The following POPDC2 variants were observed in gnomAD, a reference collection of about 807,000 sequenced individuals.
POPDC2 encodes popeye domain-containing protein 2.
Under a neutral mutation model 30.5 loss-of-function variants are expected in POPDC2, and 24 were observed. The observed-to-expected ratio is 0.79, with a 90% CI of 0.57 to 1.11. The LOEUF is 1.11. POPDC2 is among the 50% of genes least tolerant of loss of function. POPDC2 has a pLI of 0.00. For synonymous variants in POPDC2, 185 were observed against 183.3 expected (o/e 1.01, Z -0.07); for missense variants, 409 against 447.0 (o/e 0.91, Z 0.77).
At chr3:119,658,903 TTA>T (rs768063515) in intron 1 of POPDC2, among the ~76,000 whole-genome samples, 2,995 of 139,456 alleles carry the variant, frequency 0.021, 40 homozygotes, top group Middle Eastern at 0.073. Flanking sequence ...GTTGGCAGTA[TTA>T]TCTGGATTTG....
intron 1 of POPDC2, among the ~76,000 whole-genome samples, chr3:119,657,742 G>A (rs1034079315): frequency 7.9e-5 from 12 of 152,180 alleles, no homozygotes; most frequent in Non-Finnish European, 1.6e-4. Context: ...GTGGCTCGCT[G>A]AAGCCATTTA....
chr3:119,658,117 G>T (rs528537963), intron 1 of POPDC2, among the ~76,000 whole-genome samples: 8 of 152,330 alleles, frequency 5.3e-5, no homozygotes, highest in Middle Eastern at 3.4e-3. Flanking sequence ...GTTCTTGTCT[G>T]CTGCTTTGAG....
chr3:119,656,963 C>G (rs530879207), intron 1 of POPDC2, among the ~76,000 whole-genome samples: 1 of 152,296 alleles, frequency 6.6e-6, no homozygotes, highest in African/African-American at 2.4e-5. Context: ...GTGGAAGTCA[C>G]AGGCACATAA....
intron 1 of POPDC2, among the ~76,000 whole-genome samples, chr3:119,657,228 T>C (rs554686207): frequency 6.6e-6 from 1 of 152,288 alleles, no homozygotes; most frequent in Non-Finnish European, 1.5e-5. Flanking sequence ...ACTGGACACA[T>C]GACTGCAGAG....
upstream of POPDC2, chr3:119,660,707 C>T: frequency 3.5e-6 from 1 of 285,896 alleles, no homozygotes; most frequent in Non-Finnish European, 6.6e-6. Context: ...GGCTCTGGCT[C>T]TCCCTGCAGA....
At chr3:119,659,832 G>A in intron 1 of POPDC2, 101 bp downstream of exon 1, 2 of 1,383,508 alleles carry the variant, frequency 1.4e-6, no homozygotes, top group Non-Finnish European at 9.8e-7. Flanking sequence ...AATGGAAGGG[G>A]ACACGAAATG....
chr3:119,660,484 AAATG>A lies in POPDC2; in HGVS notation c.-65_-62del. On this transcript the variant is annotated 5_prime_UTR_variant, in exon 1 of 4. It removes the in-frame stop codon of an upstream open reading frame in the 5' UTR. Transcript: ENST00000493094. ...ACTGTCCTCACATAGGAAATTCAGA[AAATG>A]AATGAATCCATCCGCTCAGGGGTCT... 6.5e-7 allele frequency: 1 copy of A among 1,532,136 alleles called. No individual in the cohort carries two copies. Among genetic ancestry groups the A allele is most frequent in the Non-Finnish European group, 8.8e-7 (1 of 1,138,522 alleles). The allele number at this position is 1,532,136 out of a possible 1,614,324, so 94.9% of individuals were successfully genotyped here. A position where few individuals can be genotyped will look rare whatever the true frequency, so the allele number is the denominator to read the frequency against.
Position 119,651,899 on chromosome 3 carries a change from G to A in POPDC2, c.600+2606C>T, listed in dbSNP as rs1254595444. On this transcript the variant is annotated intron_variant, in intron 2 of 3. Transcript: ENST00000493094. ...TCCAACTGCCTCGGCCTCCCAAAGT[G>A]CTGGGGTTATAGGTGTGAGCCACCG... is the stretch of plus-strand genomic sequence containing the variant. Among the ~76,000 whole-genome samples, 4 of 152,138 alleles carry A rather than the reference G, an allele frequency of 2.6e-5. No individual in the cohort carries two copies. In the East Asian group the frequency reaches 7.7e-4, roughly 29 times the overall value.
intron 1 of POPDC2, among the ~76,000 whole-genome samples, chr3:119,657,866 G>A (rs1257504056): frequency 6.6e-6 from 1 of 152,160 alleles, no homozygotes; most frequent in Admixed American, 6.5e-5. Flanking sequence ...TGCTCAGGGG[G>A]TTGTATATAT....
At chr3:119,658,020 T>C in intron 1 of POPDC2, among the ~76,000 whole-genome samples, 1 of 152,216 alleles carries the variant, frequency 6.6e-6, no homozygotes, top group East Asian at 1.9e-4. Flanking sequence ...ACAAAAAGAC[T>C]TCTGAGGTTT....
intron 3 of POPDC2, among the ~76,000 whole-genome samples, chr3:119,647,323 TTA>T (rs140879445): frequency 0.034 from 5,175 of 152,206 alleles, 137 homozygotes; most frequent in South Asian, 0.17. Context: ...CATCACAGTA[TTA>T]TGAGGGCAGC....
chr3:119,646,155 C>G (rs2052743056), intron 3 of POPDC2, among the ~76,000 whole-genome samples: 1 of 151,796 alleles, frequency 6.6e-6, no homozygotes, highest in Admixed American at 6.6e-5. Flanking sequence ...GGATTAAAAA[C>G]TAATAAGATG....
intron 3 of POPDC2, among the ~76,000 whole-genome samples, chr3:119,645,300 C>G (rs1308202353): frequency 6.6e-6 from 1 of 152,202 alleles, no homozygotes; most frequent in African/African-American, 2.4e-5. Flanking sequence ...CAGTGGCTCA[C>G]GCCCGTAATC....
intron 1 of POPDC2, among the ~76,000 whole-genome samples, chr3:119,655,104 A>G (rs1485456285): frequency 1.3e-5 from 2 of 152,214 alleles, no homozygotes; most frequent in Admixed American, 6.5e-5. Context: ...AGGCAGGTGG[A>G]TCACCTAAGG....
At chr3:119,648,798 T>C (rs978606121) in intron 2 of POPDC2, 130 bp from the exon 3 acceptor site, 13 of 781,114 alleles carry the variant, frequency 1.7e-5, no homozygotes, top group Non-Finnish European at 2.4e-5. Context: ...AGTACCCCTC[T>C]ATGGCCTTGC....
At chr3:119,652,262 C>T (rs769142919) in intron 2 of POPDC2, among the ~76,000 whole-genome samples, 13 of 152,014 alleles carry the variant, frequency 8.6e-5, no homozygotes, top group African/African-American at 9.7e-5. Flanking sequence ...ATTGAATTGT[C>T]GAGAGGTGTG....
chr3:119,659,811 A>G, intron 1 of POPDC2, 122 bp downstream of exon 1: 3 of 1,267,744 alleles, frequency 2.4e-6, no homozygotes, highest in Non-Finnish European at 3.3e-6. Context: ...GACTTGTCAC[A>G]TCCTTCCCTC....
In POPDC2 at chr3:119,642,311, C is replaced by T; in HGVS notation, c.*294G>A. On this transcript the variant is annotated 3_prime_UTR_variant, in exon 4 of 4. Transcript: ENST00000493094. ...TTTGTGAGGGTGAATTTCTCAAAGT[C>T]ACTTCAGGTCCTTACTGTAGCGACA... is the stretch of plus-strand genomic sequence containing the variant. 4.0e-6 allele frequency: 2 copies of T among 504,218 alleles called. No individual in the cohort carries two copies. Among genetic ancestry groups the T allele is most frequent in the Non-Finnish European group, 7.2e-6 (2 of 276,966 alleles). 31.2% of individuals were successfully genotyped at this position (504,218 alleles called of 1,614,324 possible). A position where few individuals can be genotyped will look rare whatever the true frequency, so the allele number is the denominator to read the frequency against.
intron 1 of POPDC2, among the ~76,000 whole-genome samples, chr3:119,659,506 T>C (rs2052916132): frequency 1.3e-5 from 2 of 152,232 alleles, no homozygotes; most frequent in African/African-American, 4.8e-5. Context: ...CAGTTGGTGC[T>C]TAGCAAATGT....
Sources: gnomAD v4.1 joint callset for allele counts (sites outside exome capture counted in the v4.1 genomes callset) on GRCh38, gnomAD v4.1.1 for gene constraint, MANE v1.5 for transcripts, NCBI Gene and HGNC (gene_info 2026-07-23, HGNC 2026-07-21) for gene names.